DENND2B: variants seen among roughly 807,000 people sequenced by gnomAD.
The protein encoded by DENND2B is DENN domain-containing protein 2B.
DENND2B carries 32 observed loss-of-function variants against 116.0 expected under a neutral mutation model. The observed-to-expected ratio is 0.28, with a 90% confidence interval of 0.21 to 0.37. The LOEUF is 0.37. DENND2B is among the 10% of genes least tolerant of loss of function. The pLI is 1.00. For synonymous variants in DENND2B, 588 were observed against 583.9 expected, an observed-to-expected ratio of 1.01 and a Z score of -0.10; for missense variants, 1,276 against 1,477.7, an observed-to-expected ratio of 0.86 and a Z score of 2.24.
chr11:8,732,451 T>C (rs2048275838), intron 2 of DENND2B, among the ~76,000 whole-genome samples: 1 of 152,230 alleles, frequency 6.6e-6, no homozygotes, highest in South Asian at 2.1e-4. Flanking sequence ...GCAGTGCCTC[T>C]GCCACTTTCT....
intron 1 of DENND2B, among the ~76,000 whole-genome samples, chr11:8,900,591 CCT>C (rs1448578866): frequency 1.3e-5 from 2 of 150,908 alleles, no homozygotes; most frequent in Non-Finnish European, 3.0e-5. Flanking sequence ...AGAGCAAGAC[CCT>C]GTCTCAAAAA....
At chr11:8,803,896 G>A (rs1178633865) in intron 1 of DENND2B, among the ~76,000 whole-genome samples, 1 of 152,202 alleles carries the variant, frequency 6.6e-6, no homozygotes, top group African/African-American at 2.4e-5. Flanking sequence ...CAGGGGTAAG[G>A]AGGGCTGAGG....
In DENND2B at chr11:8,712,832, A is replaced by T; in HGVS notation, c.1988-97T>A. 7.6e-7 allele frequency: 1 copy of T among 1,311,292 alleles called. No homozygotes were observed. Among genetic ancestry groups the T allele is most frequent in the Admixed American group, 2.4e-5 (1 of 41,160 alleles). The allele number at this position is 1,311,292 out of a possible 1,614,324, so 81.2% of individuals were successfully genotyped here. A position where few individuals can be genotyped will look rare whatever the true frequency, so the allele number is the denominator to read the frequency against. ...GGCTCCATTGCTGTGGAGCACTTTT[A>T]AGTACGTGAGCCTAGTCTGATACCA... On this transcript the variant is annotated intron_variant, in intron 8 of 19. Transcript: ENST00000313726. The surrounding 1 kb of genome is among the most constrained non-coding windows in gnomAD (Gnocchi z 4.4).
chr11:8,697,492 G>T, intron 17 of DENND2B, 33 bp downstream of exon 17: 1 of 1,552,118 alleles, frequency 6.4e-7, no homozygotes, highest in Non-Finnish European at 8.9e-7. Context: ...GGAGCCTGGA[G>T]CAGAGCTGAC....
intron 1 of DENND2B, chr11:8,766,681 T>A (rs1360277030): frequency 5.4e-6 from 7 of 1,289,050 alleles, no homozygotes; most frequent in Non-Finnish European, 7.1e-6. Context: ...GCGCCCCACC[T>A]CCATTCTTCC....
At chr11:8,875,142 T>C (rs1246895748), upstream of DENND2B, among the ~76,000 whole-genome samples, 1 of 151,898 alleles carries the variant, frequency 6.6e-6, no homozygotes, top group Non-Finnish European at 1.5e-5. Context: ...GCTAAGACGG[T>C]GAAACCTCGT....
intron 11 of DENND2B, among the ~76,000 whole-genome samples, chr11:8,708,797 C>G (rs887865938): frequency 2.6e-5 from 4 of 152,042 alleles, no homozygotes; most frequent in Admixed American, 2.6e-4. Context: ...ACTAAAAATA[C>G]AAAATTAGCC....
rs891788331 is a variant in DENND2B at position 8,880,930 on chromosome 11, A to G, written c.-156+80T>C. 3.3e-5 allele frequency: 5 copies of G among 151,924 alleles called. No individual in the cohort carries two copies. The East Asian group carries it at 5.8e-4, about 18-fold the overall frequency. The allele number at this position is 151,924 out of a possible 1,614,324, so 9.4% of individuals were successfully genotyped here. On this transcript the variant is annotated intron_variant, in intron 2 of 22. Coordinates refer to the DENND2B transcript ENST00000534127. ...TAAATTCCCTCAACTTTCCCTTACC[A>G]TGTCCAAATGTATCTTCATTCCCCC... is the stretch of plus-strand genomic sequence containing the variant.
intron 7 of DENND2B, 65 bp from the exon 8 acceptor site, chr11:8,714,107 C>T: frequency 6.5e-7 from 1 of 1,542,636 alleles, no homozygotes; most frequent in Non-Finnish European, 8.9e-7. Context: ...TGCTCCCCCA[C>T]CACCCCAGCT....
At chr11:8,910,662 GTCGCTATGTTGCCTACCTAGC>G (rs2064308913) in intron 1 of DENND2B, among the ~76,000 whole-genome samples, 11 of 65,644 alleles carry the variant, frequency 1.7e-4, no homozygotes, top group African/African-American at 4.8e-4. Context: ...GACACGGGTT[GTCGCTATGTTGCCTACCTAGC>G]TGGTACCCCA....
At chr11:8,871,677 G>C (rs767403755), upstream of DENND2B, among the ~76,000 whole-genome samples, 23 of 152,158 alleles carry the variant, frequency 1.5e-4, no homozygotes, top group Non-Finnish European at 1.6e-4. Flanking sequence ...AGGGTTCCAA[G>C]GAGCCTGGTC....
chr11:8,705,453 C>T (rs763530925), intron 13 of DENND2B, among the ~76,000 whole-genome samples: 6 of 152,148 alleles, frequency 3.9e-5, no homozygotes, highest in Non-Finnish European at 7.4e-5. Flanking sequence ...GCTCCTGAGC[C>T]GCAGCCCTCT....
chr11:8,853,078 C>A (rs1300983546), intron 3 of DENND2B, among the ~76,000 whole-genome samples: 1 of 152,070 alleles, frequency 6.6e-6, no homozygotes, highest in Non-Finnish European at 1.5e-5. Flanking sequence ...ATGAAAGAAG[C>A]TTCGGCCAGG....
chr11:8,837,931 G>C (rs71476805), intron 4 of DENND2B, among the ~76,000 whole-genome samples: 1 of 152,162 alleles, frequency 6.6e-6, no homozygotes, highest in South Asian at 2.1e-4. Context: ...TGGAAGGTGG[G>C]AAGAAGAATT....
intron 1 of DENND2B, among the ~76,000 whole-genome samples, chr11:8,885,871 T>C (rs567116821): frequency 6.6e-6 from 1 of 152,330 alleles, no homozygotes; most frequent in African/African-American, 2.4e-5. Context: ...TCAGCTATAA[T>C]TACATTGAAT....
chr11:8,786,097 A>T (rs2058873749), intron 1 of DENND2B, among the ~76,000 whole-genome samples: 2 of 152,332 alleles, frequency 1.3e-5, no homozygotes, highest in African/African-American at 4.8e-5. Context: ...TATGATATAA[A>T]TCCATGCCCC....
intron 1 of DENND2B, among the ~76,000 whole-genome samples, chr11:8,767,853 A>G (rs959257241): frequency 6.6e-6 from 1 of 152,210 alleles, no homozygotes; most frequent in African/African-American, 2.4e-5. Context: ...CTGAGAGGAA[A>G]GAGTACCCCA....
At chr11:8,863,595 G>GT (rs899048072) in intron 2 of DENND2B, among the ~76,000 whole-genome samples, 6 of 151,984 alleles carry the variant, frequency 3.9e-5, no homozygotes, top group African/African-American at 1.5e-4. Flanking sequence ...ATTCAAAAGA[G>GT]TGACCTGTCA....
intron 6 of DENND2B, 165 bp from the exon 7 acceptor site, chr11:8,714,871 C>G (rs1243623360): frequency 3.3e-6 from 2 of 603,784 alleles, no homozygotes; most frequent in Non-Finnish European, 5.9e-6. Flanking sequence ...CAAGTGGTGA[C>G]TCACCAGCCA....
Sources: allele counts gnomAD v4.1 joint callset (sites outside exome capture counted in the v4.1 genomes callset), GRCh38; gene constraint gnomAD v4.1.1; non-coding constraint Gnocchi (gnomAD v3.1); transcripts MANE v1.5; gene names NCBI Gene and HGNC (gene_info 2026-07-23, HGNC 2026-07-21).